Variants in SRPK2 observed in about 807,000 individuals in gnomAD.
SRPK2 encodes SFRS protein kinase 2.
Under a neutral mutation model 90.8 loss-of-function variants are expected in SRPK2, and 21 were observed. The ratio of observed to expected loss-of-function variants is 0.23; its 90% confidence interval spans 0.16 to 0.33. The LOEUF (loss-of-function observed/expected upper bound fraction) is 0.33, where lower values mean the gene tolerates loss of function less well. Ranked by LOEUF, SRPK2 falls within the 10% of genes least tolerant of loss-of-function variation. The pLI, the probability that SRPK2 is intolerant of heterozygous loss-of-function variation, is 1.00. For synonymous variants in SRPK2, 288 were observed against 311.1 expected (o/e 0.93, Z 0.78); for missense variants, 620 against 869.0 (o/e 0.71, Z 3.60).
intron 3 of SRPK2, among the ~76,000 whole-genome samples, chr7:105,188,821 A>G (rs1162671868): frequency 6.6e-6 from 1 of 152,240 alleles, no homozygotes; most frequent in Non-Finnish European, 1.5e-5. Context: ...TTTTTAGAAT[A>G]CTACCTTAGA....
intron 3 of SRPK2, among the ~76,000 whole-genome samples, chr7:105,176,036 C>A (rs930677756): frequency 6.6e-6 from 1 of 152,100 alleles, no homozygotes; most frequent in East Asian, 1.9e-4. Flanking sequence ...AAGAAAACTG[C>A]AGACCAATTT....
intron 7 of SRPK2, among the ~76,000 whole-genome samples, chr7:105,154,602 G>A (rs1478730804): frequency 6.6e-6 from 1 of 152,148 alleles, no homozygotes; most frequent in Admixed American, 6.5e-5. Context: ...AAAGGGAGAA[G>A]TCTGGAAAAA....
intron 2 of SRPK2, among the ~76,000 whole-genome samples, chr7:105,338,173 A>G (rs1815330637): frequency 6.6e-6 from 1 of 152,152 alleles, no homozygotes; most frequent in African/African-American, 2.4e-5. Flanking sequence ...AAATTATTAC[A>G]AGGCAAAAAT....
Position 105,295,009 on chromosome 7 carries a change from G to A in SRPK2, c.72-91224C>T, listed in dbSNP as rs369786945. The stretch of plus-strand genomic sequence containing the variant: ...GTGGATCACCTGAGGTCAGGAGTTC[G>A]AGACCAGCTTGTCCAACATGGCGAA... On this transcript the variant is annotated intron_variant, in intron 2 of 15. Transcript: ENST00000393651. 5.1e-4 allele frequency among the ~76,000 whole-genome samples: 78 copies of A among 152,054 alleles called. No individual in the cohort carries two copies. The East Asian group carries it at 0.013, about 26-fold the overall frequency.
At chr7:105,295,387 AAT>A (rs1809672143) in intron 2 of SRPK2, among the ~76,000 whole-genome samples, 1 of 152,096 alleles carries the variant, frequency 6.6e-6, no homozygotes, top group Non-Finnish European at 1.5e-5. Context: ...TAATTACATG[AAT>A]AAGACTATCT....
At chr7:105,118,966 C>T (rs986738979) in intron 15 of SRPK2, among the ~76,000 whole-genome samples, 1 of 152,176 alleles carries the variant, frequency 6.6e-6, no homozygotes, top group African/African-American at 2.4e-5. Context: ...GATAATTTCA[C>T]TGTGAATAAC....
intron 2 of SRPK2, among the ~76,000 whole-genome samples, chr7:105,337,841 G>A (rs1585773142): frequency 6.6e-6 from 1 of 151,818 alleles, no homozygotes; most frequent in East Asian, 1.9e-4. Context: ...TGGCAGCCCG[G>A]GTCAACTAAG....
At chr7:105,361,220 CACAATTGCTACAAAGAGAAT>C (rs1337254959) in intron 2 of SRPK2, among the ~76,000 whole-genome samples, 2 of 152,110 alleles carry the variant, frequency 1.3e-5, no homozygotes, top group South Asian at 2.1e-4. Context: ...AACTCCCATT[CACAATTGCTACAAAGAGAAT>C]ACAATACCTA....
chr7:105,202,667 T>C (rs1010892559), intron 3 of SRPK2, among the ~76,000 whole-genome samples: 7 of 152,244 alleles, frequency 4.6e-5, no homozygotes, highest in African/African-American at 7.2e-5. Flanking sequence ...TCCACTTGAA[T>C]AGTTTCTGTG....
At chr7:105,225,305 T>A (rs1798582465) in intron 2 of SRPK2, among the ~76,000 whole-genome samples, 2 of 152,252 alleles carry the variant, frequency 1.3e-5, no homozygotes, top group African/African-American at 4.8e-5. Context: ...GGCTAGCAAC[T>A]ATCCTCTTTC....
chr7:105,334,040 A>G (rs1719965059), intron 2 of SRPK2, among the ~76,000 whole-genome samples: 1 of 152,024 alleles, frequency 6.6e-6, no homozygotes, highest in Admixed American at 6.6e-5. Flanking sequence ...CTCCTGCCTC[A>G]GCCTCCCAAG....
At chr7:105,203,457 G>A (rs1192656598) in intron 3 of SRPK2, among the ~76,000 whole-genome samples, 171 bp downstream of exon 3, 1 of 152,046 alleles carries the variant, frequency 6.6e-6, no homozygotes, top group East Asian at 1.9e-4. Context: ...TCTGATATCA[G>A]TCTCTATACA....
At position 105,227,893 on chromosome 7, in the gene SRPK2, C is replaced by CA. The variant is rs566478716; in HGVS notation, c.72-24109dup. The stretch of plus-strand genomic sequence containing the variant: ...ATCCACAAAACAGAGTATCATTCAG[C>CA]AAAAAAAAAAAAAAAAAAAAAAGTA... On this transcript the variant is annotated intron_variant, in intron 2 of 15. Transcript: ENST00000393651. Among the ~76,000 whole-genome samples the CA allele has an allele frequency of 3.9e-3, 333 of 84,674 alleles. 2 individuals are homozygous for CA. Among genetic ancestry groups the CA allele is most frequent in the East Asian group, 7.0e-3 (20 of 2,864 alleles). 55.5% of individuals were successfully genotyped at this position (84,674 alleles called of 152,430 possible).
chr7:105,296,272 G>A (rs1376052359), intron 2 of SRPK2, among the ~76,000 whole-genome samples: 1 of 152,134 alleles, frequency 6.6e-6, no homozygotes, highest in African/African-American at 2.4e-5. Context: ...CATACACAGA[G>A]AAGCAAGAAA....
At chr7:105,313,372 G>A (rs928531395) in intron 2 of SRPK2, among the ~76,000 whole-genome samples, 9 of 150,942 alleles carry the variant, frequency 6.0e-5, no homozygotes, top group Admixed American at 3.3e-4. Flanking sequence ...GCTTGAACCC[G>A]GAAGGCAGAG....
intron 4 of SRPK2, among the ~76,000 whole-genome samples, chr7:105,168,745 ATGTGTGTG>A (rs58073613): frequency 4.0e-4 from 42 of 104,080 alleles, no homozygotes; most frequent in East Asian, 2.6e-3. Context: ...CACGCACCAA[ATGTGTGTG>A]TGTGTGTGTG....
chr7:105,269,143 A>C, intron 2 of SRPK2: 1 of 1,009,970 alleles, frequency 9.9e-7, no homozygotes, highest in Non-Finnish European at 1.2e-6. Flanking sequence ...TAGAACTAGC[A>C]TGGTTCTACA....
At chr7:105,169,108 T>C in intron 4 of SRPK2, 49 bp downstream of exon 4, 2 of 1,508,196 alleles carry the variant, frequency 1.3e-6, no homozygotes, top group Non-Finnish European at 1.8e-6. Context: ...AGAACACAGA[T>C]GTTGAACTAC....
intron 2 of SRPK2, among the ~76,000 whole-genome samples, chr7:105,291,396 G>A (rs1359487688): frequency 6.6e-6 from 1 of 151,962 alleles, no homozygotes; most frequent in African/African-American, 2.4e-5. Flanking sequence ...TTTAAAGACA[G>A]AGGGAAGGCC....
Sources: gnomAD v4.1 joint callset for allele counts (sites outside exome capture counted in the v4.1 genomes callset) on GRCh38, gnomAD v4.1.1 for gene constraint, MANE v1.5 for transcripts, NCBI Gene and HGNC (gene_info 2026-07-23, HGNC 2026-07-21) for gene names.